Variants in KCTD8 observed in about 807,000 individuals in gnomAD.
KCTD8 encodes potassium channel tetramerization domain containing 8.
A neutral mutation model predicts 31.5 loss-of-function variants in KCTD8; 27 were observed. That is an observed-to-expected ratio of 0.86 (90% CI 0.63 to 1.18). The LOEUF (loss-of-function observed/expected upper bound fraction) is 1.18, where lower values mean the gene tolerates loss of function less well. KCTD8 is among the 50% of genes most tolerant of loss of function. KCTD8 has a pLI of 0.00. For synonymous variants in KCTD8, 290 were observed against 280.0 expected (o/e 1.04, Z -0.36); for missense variants, 658 against 647.7 (o/e 1.02, Z -0.17).
At chr4:44,342,927 C>T (rs1041211636) in intron 1 of KCTD8, among the ~76,000 whole-genome samples, 1 of 152,216 alleles carries the variant, frequency 6.6e-6, no homozygotes, top group African/African-American at 2.4e-5. Flanking sequence ...TAAATAAGGG[C>T]CTTGCTCTGG....
chr4:44,439,791 TAACAC>T (rs1721770016), intron 1 of KCTD8, among the ~76,000 whole-genome samples: 1 of 152,040 alleles, frequency 6.6e-6, no homozygotes, highest in African/African-American at 2.4e-5. Flanking sequence ...AGCAAGTACT[TAACAC>T]TACCTATGGT....
intron 1 of KCTD8, among the ~76,000 whole-genome samples, chr4:44,373,161 G>A (rs953106590): frequency 8.5e-5 from 13 of 152,156 alleles, no homozygotes; most frequent in African/African-American, 3.1e-4. Flanking sequence ...TCAGGAGTTC[G>A]AGACCAGCCT....
At chr4:44,424,852 T>A (rs1275366721) in intron 1 of KCTD8, among the ~76,000 whole-genome samples, 1 of 152,060 alleles carries the variant, frequency 6.6e-6, no homozygotes, top group African/African-American at 2.4e-5. Flanking sequence ...TGATATGGAC[T>A]GAATTGAGTT....
intron 1 of KCTD8, among the ~76,000 whole-genome samples, chr4:44,403,805 T>C (rs1220588776): frequency 6.6e-6 from 1 of 151,734 alleles, no homozygotes; most frequent in Non-Finnish European, 1.5e-5. Context: ...CCATAACAGG[T>C]ACTAAGAGTA....
chr4:44,321,820 T>C (rs1387279700), intron 1 of KCTD8, among the ~76,000 whole-genome samples: 2 of 152,136 alleles, frequency 1.3e-5, no homozygotes, highest in Non-Finnish European at 2.9e-5. Context: ...AGATAAACTT[T>C]CCTTAGCTCC....
chr4:44,391,696 T>C (rs911832163), intron 1 of KCTD8, among the ~76,000 whole-genome samples: 1 of 151,854 alleles, frequency 6.6e-6, no homozygotes. Context: ...AGTTAAGTTT[T>C]GGGGGAGTCA....
intron 1 of KCTD8, among the ~76,000 whole-genome samples, chr4:44,278,708 T>G (rs1329264834): frequency 6.6e-6 from 1 of 151,996 alleles, no homozygotes. Context: ...TCAGAAATGA[T>G]GAGAGTATCA....
At chr4:44,423,417 G>A (rs768090603) in intron 1 of KCTD8, among the ~76,000 whole-genome samples, 47 of 152,242 alleles carry the variant, frequency 3.1e-4, no homozygotes, top group Non-Finnish European at 5.7e-4. Context: ...TAATTATTTA[G>A]TGAACTGTCA....
At chr4:44,392,156 C>A (rs747895376) in intron 1 of KCTD8, among the ~76,000 whole-genome samples, 3 of 151,846 alleles carry the variant, frequency 2.0e-5, no homozygotes, top group Non-Finnish European at 2.9e-5. Context: ...CTCATTAACT[C>A]ATAAAACTAG....
chr4:44,326,652 T>C (rs1337356141), intron 1 of KCTD8, among the ~76,000 whole-genome samples: 2 of 151,920 alleles, frequency 1.3e-5, no homozygotes, highest in African/African-American at 4.8e-5. Flanking sequence ...CCCTAGTTGT[T>C]TGTCTGGTTA....
intron 1 of KCTD8, among the ~76,000 whole-genome samples, chr4:44,419,034 C>A (rs377665300): frequency 6.6e-6 from 1 of 152,172 alleles, no homozygotes; most frequent in Middle Eastern, 3.4e-3. Flanking sequence ...CTTAGCTAAT[C>A]CAAAAATGAA....
intron 1 of KCTD8, among the ~76,000 whole-genome samples, chr4:44,431,295 C>T (rs1363840494): frequency 1.3e-5 from 2 of 151,410 alleles, no homozygotes; most frequent in African/African-American, 2.4e-5. Flanking sequence ...CTATCCACCC[C>T]TTTTCCCAAA....
chr4:44,442,465 T>C (rs1040177219), intron 1 of KCTD8, among the ~76,000 whole-genome samples: 2 of 152,010 alleles, frequency 1.3e-5, no homozygotes, highest in Admixed American at 6.6e-5. Context: ...CAGGTGCCTG[T>C]AATCCCAGCT....
Position 44,174,815 on chromosome 4 carries a change from T to C in KCTD8, c.1397A>G (p.Glu466Gly). ...FPERKRQWQS[E>G]LLQKYGL ...CTATAACCCATACTTCTGCAACAGT[T>C]CAGATTGCCATTGGCGTTTGCGCTC... is the stretch of plus-strand genomic sequence containing the variant. The change falls in exon 2 of 2, where the codon GAA becomes GGA. Residue 466 changes from glutamate to glycine, a missense_variant. Coordinates refer to ENST00000360029, the MANE Select transcript of KCTD8 (RefSeq NM_198353.3). 1 of 1,610,766 alleles carries C rather than the reference T, an allele frequency of 6.2e-7. No individual in the cohort carries two copies. Among genetic ancestry groups the C allele is most frequent in the Non-Finnish European group, 8.5e-7 (1 of 1,178,292 alleles).
rs762985548 is a variant in KCTD8, at chr4:44,447,666, G to T, written c.858C>A (p.Ala286=). The T allele has an allele frequency of 6.2e-7, 1 of 1,612,008 alleles. No individual in the cohort carries two copies. Among genetic ancestry groups the T allele is most frequent in the Non-Finnish European group, 8.5e-7 (1 of 1,179,278 alleles). ...LEQAFDRLSE[A]GFHMVACNSS... Reference sequence around the variant, plus strand: ...AGTTACACGCCACCATGTGGAAGCCGGCCTCGGACAGGCGATCAAAGGCCT... The same window carrying T: ...AGTTACACGCCACCATGTGGAAGCCTGCCTCGGACAGGCGATCAAAGGCCT... Residue 286 remains alanine (A), a synonymous_variant, in exon 1 of 2, where the codon GCC becomes GCA. Coordinates refer to ENST00000360029, the MANE Select transcript of KCTD8 (RefSeq NM_198353.3).
At chr4:44,399,584 T>C (rs1720594957) in intron 1 of KCTD8, among the ~76,000 whole-genome samples, 1 of 152,076 alleles carries the variant, frequency 6.6e-6, no homozygotes, top group African/African-American at 2.4e-5. Context: ...GCTAGGACAG[T>C]TCCCAAATCC....
intron 1 of KCTD8, among the ~76,000 whole-genome samples, chr4:44,349,074 A>ACCACCACCG (rs759253410): frequency 9.1e-5 from 11 of 121,094 alleles, no homozygotes; most frequent in African/African-American, 3.3e-4. Flanking sequence ...TGCCACCGCC[A>ACCACCACCG]CCACCACCAC....
At chr4:44,333,661 A>G (rs1050508333) in intron 1 of KCTD8, among the ~76,000 whole-genome samples, 1 of 152,144 alleles carries the variant, frequency 6.6e-6, no homozygotes, top group African/African-American at 2.4e-5. Flanking sequence ...GGTAATAGGT[A>G]ACAGATTAGA....
chr4:44,422,141 T>C (rs1290325308), intron 1 of KCTD8, among the ~76,000 whole-genome samples: 1 of 152,090 alleles, frequency 6.6e-6, no homozygotes, highest in East Asian at 1.9e-4. Flanking sequence ...CCTCTTAGCT[T>C]TTACATGTAC....
Sources: allele counts gnomAD v4.1 joint callset (sites outside exome capture counted in the v4.1 genomes callset), GRCh38; gene constraint gnomAD v4.1.1; transcripts MANE v1.5; gene names NCBI Gene and HGNC (gene_info 2026-07-23, HGNC 2026-07-21).